ENG: variants seen among roughly 807,000 people sequenced by gnomAD.
ENG encodes the protein endoglin.
A neutral mutation model predicts 71.0 loss-of-function variants in ENG; 17 were observed. The ratio of observed to expected loss-of-function variants is 0.24; its 90% confidence interval spans 0.16 to 0.36. The LOEUF (loss-of-function observed/expected upper bound fraction) is 0.36, where lower values mean the gene tolerates loss of function less well. Among genes scored for constraint, ENG ranks in the 10% least tolerant of loss-of-function variants. The probability of loss-of-function intolerance (pLI) is 1.00; values close to 1 mark genes in which losing one functional copy is unlikely to be tolerated. For missense variants in ENG, 749 were observed against 868.3 expected (o/e 0.86, Z 1.73); for synonymous variants, 360 against 366.9 (o/e 0.98, Z 0.21).
rs565259710 is a variant in ENG at position 127,854,475 on chromosome 9, C to A, written c.-120G>T. The stretch of plus-strand genomic sequence containing the variant: ...ACCCGAGGGGAGCAGGCGGCCGGAG[C>A]GACGGCGTCCCTGCTCCAGCCTTCT... On this transcript the variant is annotated 5_prime_UTR_variant, in exon 1 of 15. Coordinates refer to ENST00000373203, the MANE Select transcript of ENG (RefSeq NM_001114753.3). 83 of 1,098,006 alleles carry A rather than the reference C, an allele frequency of 7.6e-5. No individual in the cohort carries two copies. The African/African-American group carries it at 1.1e-3, about 15-fold the overall frequency. 68.0% of individuals were successfully genotyped at this position (1,098,006 alleles called of 1,614,324 possible).
intron 7 of ENG, 66 bp from the exon 8 acceptor site, chr9:127,824,512 C>CTTTTTTTT (rs71380096): frequency 3.8e-5 from 26 of 685,814 alleles, no homozygotes; most frequent in African/African-American, 1.3e-4. Flanking sequence ...CCGCACCAGG[C>CTTTTTTTT]TTTTTTTTTT....
chr9:127,825,805 C>T lies in ENG; in HGVS notation c.579G>A (p.Thr193=), dbSNP rs769703434. 23 of 1,596,974 alleles carry T rather than the reference C, an allele frequency of 1.4e-5. No homozygotes were observed. The South Asian group carries it at 2.0e-4, about 14-fold the overall frequency. ...MLEASQDMGR[T]LEWRPRTPAL... ...CTGGAGTACGCGGCCGCCACTCGAG[C>T]GTGCGGCCCATGTCCTGGCTGGCTT... Residue 193 remains threonine (T), a synonymous_variant, in exon 5 of 15, where the codon ACG becomes ACA. Transcript: ENST00000373203.
chr9:127,825,235 A>G lies in ENG; in HGVS notation c.812T>C (p.Ile271Thr), dbSNP rs1366630605. ...CGGGAGCTGCGCACAACTCACCCAG[A>G]TCTGCATGTTGTGGTTGGCGTCGAT... ...WLIDANHNMQ[I>T]WTTGEYSFKI... The change falls in exon 6 of 15, where the codon ATC (isoleucine) becomes ACC (threonine). Residue 271 changes from isoleucine to threonine, a missense_variant. Ile to Thr is a moderately conservative substitution (Grantham distance 89). Transcript: ENST00000373203. The G allele has an allele frequency of 6.2e-7, 1 of 1,612,716 alleles. No individual in the cohort carries two copies.
In ENG at chr9:127,830,587, C is replaced by T. The variant is rs1042690309; in HGVS notation, c.220-760G>A. On this transcript the variant is annotated intron_variant, in intron 2 of 14. Transcript: ENST00000373203. The stretch of plus-strand genomic sequence containing the variant: ...TCTTGAACCCAGGAGGTAGAGGTTG[C>T]AGTGAGCTGAGATTGCGCTATTGCA... 2.6e-5 allele frequency among the ~76,000 whole-genome samples: 4 copies of T among 151,358 alleles called. No homozygotes were observed. In the South Asian group the frequency reaches 8.3e-4, roughly 31 times the overall value.
At chr9:127,853,050 T>A (rs564997056) in intron 1 of ENG, among the ~76,000 whole-genome samples, 1 of 152,260 alleles carries the variant, frequency 6.6e-6, no homozygotes, top group Admixed American at 6.5e-5. Flanking sequence ...GGGATGATGA[T>A]GGCAGCCATC....
At chr9:127,823,451 C>T (rs1029607787) in intron 8 of ENG, among the ~76,000 whole-genome samples, 5 of 138,442 alleles carry the variant, frequency 3.6e-5, no homozygotes, top group South Asian at 2.3e-4. Flanking sequence ...TACAGTGGTG[C>T]GATCTCAGCT....
At chr9:127,827,786 C>A (rs1248223380) in intron 3 of ENG, among the ~76,000 whole-genome samples, 1 of 151,898 alleles carries the variant, frequency 6.6e-6, no homozygotes, top group Non-Finnish European at 1.5e-5. Flanking sequence ...GAGGCCGAGG[C>A]GGGTGGATCC....
chr9:127,825,644 G>A, intron 5 of ENG, 51 bp downstream of exon 5: 3 of 1,446,858 alleles, frequency 2.1e-6, no homozygotes, highest in Non-Finnish European at 2.8e-6. Flanking sequence ...GGGTCAGGGG[G>A]GTGGTCTCTC....
intron 8 of ENG, among the ~76,000 whole-genome samples, chr9:127,823,151 T>C (rs922507598): frequency 1.3e-5 from 2 of 151,768 alleles, no homozygotes; most frequent in African/African-American, 2.4e-5. Flanking sequence ...GCATGTGTTC[T>C]TTCATTTTAT....
At chr9:127,848,261 C>A (rs928471160) in intron 1 of ENG, among the ~76,000 whole-genome samples, 3 of 151,954 alleles carry the variant, frequency 2.0e-5, no homozygotes, top group Non-Finnish European at 4.4e-5. Flanking sequence ...CCCAGACCAA[C>A]ACTCATCCTT....
rs767171893 is a variant in ENG, at chr9:127,824,849, G to T, written c.942C>A (p.Phe314Leu). Residue 314 changes from phenylalanine to leucine, a missense_variant, in exon 7 of 15, where the codon TTC becomes TTA. By Grantham distance (22) the Phe-to-Leu change is conservative. Coordinates refer to ENST00000373203, the MANE Select transcript of ENG (RefSeq NM_001114753.3). ...CAATGCTGGCCAGCGGTAGCTCCAC[G>T]AAGGATGCCACAATGCTGGCATTGA... ...RMLNASIVAS[F>L]VELPLASIVS... is the part of the protein sequence containing the mutation. 6.2e-7 allele frequency: 1 copy of T among 1,604,454 alleles called. No homozygotes were observed.
chr9:127,837,798 C>CCA (rs147353314), intron 2 of ENG, among the ~76,000 whole-genome samples: 81 of 89,290 alleles, frequency 9.1e-4, no homozygotes, highest in African/African-American at 5.7e-3. Context: ...ATCCATCCAT[C>CCA]CATCCATCCA....
At chr9:127,826,118 C>T (rs1455736350) in intron 4 of ENG, among the ~76,000 whole-genome samples, 3 of 152,174 alleles carry the variant, frequency 2.0e-5, no homozygotes, top group Non-Finnish European at 4.4e-5. Flanking sequence ...CCGAAACCAC[C>T]CAGCAAGACC....
Position 127,854,345 on chromosome 9 carries a change from C to A in ENG, c.11G>T (p.Gly4Val). The part of the protein sequence containing the change: MDR[G>V]TLPLAVALLL... The stretch of plus-strand genomic sequence containing the variant: ...CAGGGCAACAGCCAGAGGGAGCGTG[C>A]CGCGGTCCATGCTGTCCACGTGGGG... The change falls in exon 1 of 15, where the codon GGC (glycine) becomes GTC (valine). Residue 4 changes from glycine to valine, a missense_variant. Gly to Val is a moderately radical substitution (Grantham distance 109). Coordinates refer to ENST00000373203, the MANE Select transcript of ENG (RefSeq NM_001114753.3). 1 of 1,592,140 alleles carries A rather than the reference C, an allele frequency of 6.3e-7. No homozygotes were observed. Among genetic ancestry groups the A allele is most frequent in the East Asian group, 2.3e-5 (1 of 43,610 alleles).
chr9:127,817,101 G>A (rs367649811), intron 13 of ENG, 48 bp downstream of exon 13: 15 of 1,607,388 alleles, frequency 9.3e-6, no homozygotes, highest in African/African-American at 1.3e-5. Context: ...GTGCCCTACT[G>A]TGACCTCAGC....
intron 6 of ENG, 121 bp from the exon 7 acceptor site, chr9:127,825,095 C>G: frequency 5.0e-6 from 8 of 1,590,900 alleles, no homozygotes; most frequent in Non-Finnish European, 6.0e-6. Context: ...CGTCTTCTGC[C>G]TGGCCCCTTC....
intron 2 of ENG, among the ~76,000 whole-genome samples, chr9:127,837,296 A>G (rs1830922763): frequency 6.6e-6 from 1 of 152,034 alleles, no homozygotes; most frequent in South Asian, 2.1e-4. Context: ...GAGCTCAGTG[A>G]TGTTCTAGAA....
intron 1 of ENG, among the ~76,000 whole-genome samples, chr9:127,843,702 T>G (rs1473652404): frequency 1.5e-5 from 2 of 137,650 alleles, no homozygotes; most frequent in Non-Finnish European, 3.1e-5. Context: ...TATACATATA[T>G]AGATATACAT....
At chr9:127,818,961 G>A (rs1282348913) in intron 10 of ENG, 129 bp from the exon 11 acceptor site, 19 of 782,514 alleles carry the variant, frequency 2.4e-5, no homozygotes, top group South Asian at 6.9e-5. Flanking sequence ...TTTTTGAGAC[G>A]GAGTCTCGCT....
Sources: allele counts gnomAD v4.1 joint callset (sites outside exome capture counted in the v4.1 genomes callset), GRCh38; gene constraint gnomAD v4.1.1; transcripts MANE v1.5; gene names NCBI Gene and HGNC (gene_info 2026-07-23, HGNC 2026-07-21).